Variants in CHP1 observed in about 807,000 individuals in gnomAD.
CHP1 encodes calcineurin B homologous protein 1.
A neutral mutation model predicts 27.4 loss-of-function variants in CHP1; 11 were observed. The ratio of observed to expected loss-of-function variants is 0.40; its 90% CI spans 0.25 to 0.67. The LOEUF is 0.67. Among genes scored for constraint, CHP1 ranks in the 30% least tolerant of loss-of-function variants. CHP1 has a pLI of 0.38. For synonymous variants in CHP1, 89 were observed against 87.4 expected (o/e 1.02, Z -0.10); for missense variants, 169 against 251.3 (o/e 0.67, Z 2.22).
rs140787743 is a variant in CHP1, at chr15:41,231,725, A to G, written c.67+276A>G. On this transcript the variant is annotated intron_variant, in intron 1 of 6. Coordinates refer to ENST00000334660, the MANE Select transcript of CHP1 (RefSeq NM_007236.5). Reference sequence around the variant, plus strand: ...CCCCCTTTTCTGCACCCTGCCCATCAAAGTCCCCGAACTCCTTTCCTTTCT... The same window carrying G: ...CCCCCTTTTCTGCACCCTGCCCATCGAAGTCCCCGAACTCCTTTCCTTTCT... Among the ~76,000 whole-genome samples the G allele has an allele frequency of 4.0e-3, 607 of 152,002 alleles. 3 individuals carry two copies. Among genetic ancestry groups the G allele is most frequent in the African/African-American group, 0.012 (481 of 41,454 alleles).
chr15:41,240,860 CTT>C (rs10649918), intron 1 of CHP1, among the ~76,000 whole-genome samples: 1 of 145,350 alleles, frequency 6.9e-6, no homozygotes. Flanking sequence ...CTTAGTAATT[CTT>C]TTTTTTTTTG....
chr15:41,265,034 A>G (rs139439369), intron 4 of CHP1, among the ~76,000 whole-genome samples: 2 of 152,232 alleles, frequency 1.3e-5, no homozygotes, highest in African/African-American at 4.8e-5. Context: ...ATACCTAGCA[A>G]TACATTTGCC....
rs147957375 is a variant in CHP1, at chr15:41,275,841, G to A, written c.412-2926G>A. Among the ~76,000 whole-genome samples, 1,283 of 151,948 alleles carry A rather than the reference G, an allele frequency of 8.4e-3. 25 individuals carry two copies. Among genetic ancestry groups the A allele is most frequent in the African/African-American group, 0.029 (1,216 of 41,450 alleles). Reference sequence around the variant, plus strand: ...AGCGATTCTCATGCCTCAGCCTCCCGAGTAGCTGGGATTACAGGTATGCAC... The same window carrying A: ...AGCGATTCTCATGCCTCAGCCTCCCAAGTAGCTGGGATTACAGGTATGCAC... On this transcript the variant is annotated intron_variant, in intron 5 of 6. Coordinates refer to ENST00000334660, the MANE Select transcript of CHP1 (RefSeq NM_007236.5).
chr15:41,260,957 C>T (rs896903542), intron 3 of CHP1, among the ~76,000 whole-genome samples: 1 of 151,880 alleles, frequency 6.6e-6, no homozygotes, highest in African/African-American at 2.4e-5. Context: ...AGTCTCGGCT[C>T]ACGCAACTTC....
At chr15:41,238,871 G>A (rs891587395) in intron 1 of CHP1, among the ~76,000 whole-genome samples, 2 of 151,880 alleles carry the variant, frequency 1.3e-5, no homozygotes, top group Admixed American at 1.3e-4. Context: ...AAAAAGACAC[G>A]TTTATATGCA....
chr15:41,257,209 TTA>T (rs1311721977), intron 3 of CHP1, among the ~76,000 whole-genome samples: 1 of 152,244 alleles, frequency 6.6e-6, no homozygotes, highest in Non-Finnish European at 1.5e-5. Flanking sequence ...TTCAAAATTC[TTA>T]TGTTTATCAT....
chr15:41,275,345 G>A (rs1344069509), intron 5 of CHP1, among the ~76,000 whole-genome samples: 1 of 151,806 alleles, frequency 6.6e-6, no homozygotes, highest in African/African-American at 2.4e-5. Context: ...AGTAGAGATG[G>A]GGTTTCACCA....
At chr15:41,259,007 A>G (rs1176164996) in intron 3 of CHP1, among the ~76,000 whole-genome samples, 1 of 152,176 alleles carries the variant, frequency 6.6e-6, no homozygotes, top group Non-Finnish European at 1.5e-5. Flanking sequence ...TGGGAATCAA[A>G]TCACGTTGAC....
chr15:41,238,966 T>C (rs1340328677), intron 1 of CHP1, among the ~76,000 whole-genome samples: 1 of 152,210 alleles, frequency 6.6e-6, no homozygotes, highest in African/African-American at 2.4e-5. Context: ...CCTATCTGAC[T>C]AGCTTAGAGC....
intron 1 of CHP1, among the ~76,000 whole-genome samples, chr15:41,236,382 C>T (rs973468310): frequency 6.6e-6 from 1 of 152,182 alleles, no homozygotes; most frequent in African/African-American, 2.4e-5. Context: ...CCAGCTCAGC[C>T]TCCTGAGTAG....
In CHP1 at chr15:41,258,782, T is replaced by C. The variant is rs555337885; in HGVS notation, c.221+1792T>C. Among the ~76,000 whole-genome samples, 5 of 152,306 alleles carry C rather than the reference T, an allele frequency of 3.3e-5. No individual in the cohort carries two copies. The East Asian group carries it at 9.6e-4, about 29-fold the overall frequency. On this transcript the variant is annotated intron_variant, in intron 3 of 6. Coordinates refer to ENST00000334660, the MANE Select transcript of CHP1 (RefSeq NM_007236.5). The stretch of plus-strand genomic sequence containing the variant: ...ATCTATTCCTGGTTTATATGGATAG[T>C]CTATGACCCACAGGACTTCAAAATA...
intron 1 of CHP1, among the ~76,000 whole-genome samples, chr15:41,235,631 C>T (rs993602789): frequency 2.6e-5 from 4 of 152,186 alleles, no homozygotes; most frequent in African/African-American, 9.7e-5. Flanking sequence ...TGGTATATGT[C>T]ATGTGGTACG....
chr15:41,258,150 A>G (rs2047412336), intron 3 of CHP1, among the ~76,000 whole-genome samples: 1 of 152,206 alleles, frequency 6.6e-6, no homozygotes, highest in East Asian at 1.9e-4. Flanking sequence ...ATGTATGTAT[A>G]TACACATACT....
intron 1 of CHP1, among the ~76,000 whole-genome samples, chr15:41,238,150 G>GT (rs995702662): frequency 2.6e-5 from 4 of 151,192 alleles, no homozygotes; most frequent in African/African-American, 9.7e-5. Context: ...GTCTTTTTTT[G>GT]TTTTTTTGGC....
chr15:41,268,918 C>G (rs1205992045), intron 4 of CHP1, among the ~76,000 whole-genome samples: 2 of 152,112 alleles, frequency 1.3e-5, no homozygotes, highest in Non-Finnish European at 2.9e-5. Flanking sequence ...TGAGATCCCA[C>G]CACTGCACTC....
chr15:41,241,308 GTAAT>G (rs1187613096), intron 1 of CHP1, among the ~76,000 whole-genome samples: 2 of 152,378 alleles, frequency 1.3e-5, no homozygotes, highest in East Asian at 3.9e-4. Context: ...GAAATGGAGA[GTAAT>G]TAGTGCAGCA....
intron 1 of CHP1, among the ~76,000 whole-genome samples, chr15:41,239,233 T>C (rs1368529621): frequency 6.6e-6 from 1 of 152,160 alleles, no homozygotes; most frequent in African/African-American, 2.4e-5. Context: ...AGTTTAGATA[T>C]GACCATATTG....
chr15:41,268,844 C>T (rs1297039436), intron 4 of CHP1, among the ~76,000 whole-genome samples: 1 of 151,514 alleles, frequency 6.6e-6, no homozygotes, highest in Admixed American at 6.6e-5. Flanking sequence ...CCTGTAGTCC[C>T]AGCTACTCGG....
intron 1 of CHP1, among the ~76,000 whole-genome samples, chr15:41,237,796 G>A (rs1595470081): frequency 6.6e-6 from 1 of 151,972 alleles, no homozygotes; most frequent in Admixed American, 6.6e-5. Flanking sequence ...GTGCAATCCC[G>A]CCTCCCGGGT....
Sources: allele counts gnomAD v4.1 joint callset (sites outside exome capture counted in the v4.1 genomes callset), GRCh38; gene constraint gnomAD v4.1.1; transcripts MANE v1.5; gene names NCBI Gene and HGNC (gene_info 2026-07-23, HGNC 2026-07-21).